The following ELP4 variants were observed in gnomAD, a reference collection of about 807,000 sequenced individuals.
ELP4 encodes elongator complex protein 4.
In ELP4, 51 loss-of-function variants were observed where a neutral mutation model predicts 48.9. That is an observed-to-expected ratio of 1.04 (90% CI 0.83 to 1.32). The LOEUF (loss-of-function observed/expected upper bound fraction) is 1.32, where lower values mean the gene tolerates loss of function less well. ELP4 is among the 40% of genes most tolerant of loss of function. ELP4 has a pLI of 0.00. For synonymous variants in ELP4, 210 were observed against 189.2 expected, an observed-to-expected ratio of 1.11 and a Z score of -0.90; for missense variants, 519 against 514.6, an observed-to-expected ratio of 1.01 and a Z score of -0.08.
chr11:31,666,551 G>A (rs1235871354), intron 9 of ELP4, among the ~76,000 whole-genome samples: 2 of 151,914 alleles, frequency 1.3e-5, no homozygotes, highest in African/African-American at 4.8e-5. Flanking sequence ...AATTAGCCGG[G>A]TGTGGTGGCA....
rs749991688 is a variant in ELP4, at chr11:31,714,767, C to T, written c.1143+64546C>T. On this transcript the variant is annotated intron_variant, in intron 9 of 9. Transcript: ENST00000640961. ...ATGGCTTCTTCCTCCGTTTTCAAAG[C>T]GAGCAACATTGGGTTTGAGTCCTTA... The T allele has an allele frequency of 5.5e-5, 22 of 398,440 alleles. No homozygotes were observed. The East Asian group carries it at 6.4e-4, about 12-fold the overall frequency. The allele number at this position is 398,440 out of a possible 1,614,324, so 24.7% of individuals were successfully genotyped here. A position where few individuals can be genotyped will look rare whatever the true frequency, so the allele number is the denominator to read the frequency against.
At chr11:31,767,412 AG>A (rs1271979783) in intron 9 of ELP4, 1 of 151,766 alleles carries the variant, frequency 6.6e-6, no homozygotes, top group Non-Finnish European at 1.5e-5. Context: ...AATTAGCTCA[AG>A]GGTAGTTAGG....
At chr11:31,764,007 T>A (rs1221235623) in intron 9 of ELP4, among the ~76,000 whole-genome samples, 1 of 152,212 alleles carries the variant, frequency 6.6e-6, no homozygotes, top group Non-Finnish European at 1.5e-5. Context: ...ATGAAGTTTC[T>A]AATTTTTTTA....
chr11:31,603,860 A>AT lies in ELP4; in HGVS notation c.612dup (p.Leu205SerfsTer33), dbSNP rs1165240462. Reference sequence around the variant, plus strand: ...TAATTGAGGCTTCAAATTGGCATGGATTTTTTCTTCCAGAGAAAATATCTT... The same window carrying AT: ...TAATTGAGGCTTCAAATTGGCATGGATTTTTTTCTTCCAGAGAAAATATCTT... On this transcript the variant is annotated frameshift_variant, in exon 5 of 10. Coordinates refer to ENST00000640961, the MANE Select transcript of ELP4 (RefSeq NM_019040.5). LOFTEE classifies it high-confidence loss of function. 18 of 1,611,778 alleles carry AT rather than the reference A, an allele frequency of 1.1e-5. No homozygotes were observed. The highest frequency in any genetic ancestry group is 2.2e-5 in the East Asian group (1 of 44,712).
chr11:31,735,181 A>C (rs1489110606), intron 9 of ELP4, among the ~76,000 whole-genome samples: 2 of 151,138 alleles, frequency 1.3e-5, no homozygotes, highest in Non-Finnish European at 3.0e-5. Flanking sequence ...AAACACGCAC[A>C]AAAAAAAGAG....
intron 2 of ELP4, among the ~76,000 whole-genome samples, chr11:31,535,906 T>C (rs1200128898): frequency 6.6e-6 from 1 of 152,128 alleles, no homozygotes; most frequent in Non-Finnish European, 1.5e-5. Flanking sequence ...GATTTACCCA[T>C]GTTGTTGCAT....
chr11:31,699,073 A>G (rs1016934), intron 9 of ELP4, among the ~76,000 whole-genome samples: 35,844 of 152,044 alleles, frequency 0.24, 4,760 homozygotes, highest in Non-Finnish European at 0.3. Flanking sequence ...TGTACTATAT[A>G]TGTGTGTATT....
intron 2 of ELP4, among the ~76,000 whole-genome samples, chr11:31,530,902 G>C (rs1216069606): frequency 1.3e-5 from 2 of 152,102 alleles, no homozygotes; most frequent in Admixed American, 1.3e-4. Context: ...AATAGAACAG[G>C]ACAAGCATCT....
At chr11:31,740,726 T>C (rs925388559) in intron 9 of ELP4, among the ~76,000 whole-genome samples, 1 of 152,210 alleles carries the variant, frequency 6.6e-6, no homozygotes, top group Non-Finnish European at 1.5e-5. Flanking sequence ...AGGTTGATGA[T>C]CTTTATTTCT....
At chr11:31,512,797 C>A (rs1162687962) in intron 1 of ELP4, among the ~76,000 whole-genome samples, 1 of 146,676 alleles carries the variant, frequency 6.8e-6, no homozygotes, top group Non-Finnish European at 1.5e-5. Context: ...CTCCGCCCCC[C>A]CTCCCCCGCC....
chr11:31,782,859 G>T (rs529278282), intron 9 of ELP4, among the ~76,000 whole-genome samples: 31 of 152,204 alleles, frequency 2.0e-4, no homozygotes, highest in African/African-American at 7.5e-4. Context: ...CAACATTTCT[G>T]TGAAAATTTT....
chr11:31,663,542 C>T (rs1439998207), intron 9 of ELP4: 9 of 151,674 alleles, frequency 5.9e-5, no homozygotes, highest in Admixed American at 5.3e-4. Context: ...CTATATTGGG[C>T]GTAAGGATAT....
intron 9 of ELP4, chr11:31,714,654 C>T (rs1946804287): frequency 2.5e-6 from 1 of 398,536 alleles, no homozygotes; most frequent in Admixed American, 4.4e-5. Flanking sequence ...AAGGGGTCAG[C>T]ACAGCTACGT....
At chr11:31,550,385 CA>C (rs1956828050) in intron 3 of ELP4, among the ~76,000 whole-genome samples, 1 of 151,854 alleles carries the variant, frequency 6.6e-6, no homozygotes, top group African/African-American at 2.4e-5. Context: ...GAAGGGACTT[CA>C]AAAAGTTTGT....
intron 9 of ELP4, among the ~76,000 whole-genome samples, chr11:31,775,959 C>G (rs978890134): frequency 6.6e-6 from 1 of 151,436 alleles, no homozygotes; most frequent in Non-Finnish European, 1.5e-5. Flanking sequence ...AGTGAGACTT[C>G]GTCTCAAAAA....
chr11:31,732,378 T>C (rs938101038), intron 9 of ELP4, among the ~76,000 whole-genome samples: 9 of 151,434 alleles, frequency 5.9e-5, no homozygotes. Context: ...GTTATAATTG[T>C]AAAATGTTTT....
At chr11:31,767,414 G>C (rs1948064190) in intron 9 of ELP4, 1 of 151,242 alleles carries the variant, frequency 6.6e-6, no homozygotes, top group Admixed American at 6.6e-5. Context: ...TTAGCTCAAG[G>C]GTAGTTAGGT....
At chr11:31,701,792 T>A (rs1404833734) in intron 9 of ELP4, among the ~76,000 whole-genome samples, 3 of 151,224 alleles carry the variant, frequency 2.0e-5, no homozygotes, top group Non-Finnish European at 4.4e-5. Flanking sequence ...TTACCTAATA[T>A]AATAAGAGGT....
intron 9 of ELP4, among the ~76,000 whole-genome samples, chr11:31,745,642 A>G (rs1383121434): frequency 1.3e-5 from 2 of 152,256 alleles, no homozygotes; most frequent in African/African-American, 2.4e-5. Flanking sequence ...CAATGGGGAA[A>G]GGATTCCCTA....
Sources: allele counts gnomAD v4.1 joint callset (sites outside exome capture counted in the v4.1 genomes callset), GRCh38; gene constraint gnomAD v4.1.1; transcripts MANE v1.5; gene names NCBI Gene and HGNC (gene_info 2026-07-23, HGNC 2026-07-21).